Variants in TNNI3K observed in about 807,000 individuals in gnomAD.
TNNI3K encodes TNNI3 interacting kinase, also known as serine/threonine-protein kinase TNNI3K.
TNNI3K carries 140 observed loss-of-function variants against 114.5 expected under a neutral mutation model. The observed-to-expected ratio is 1.22, with a 90% confidence interval of 1.07 to 1.41. The LOEUF (loss-of-function observed/expected upper bound fraction) is 1.41, where lower values mean the gene tolerates loss of function less well. Among genes scored for constraint, TNNI3K ranks in the 40% most tolerant of loss-of-function variants. The pLI, the probability that TNNI3K is intolerant of heterozygous loss-of-function variation, is 0.00. For missense variants in TNNI3K, 1,125 were observed against 1,007.6 expected (o/e 1.12, Z -1.58); for synonymous variants, 347 against 347.5 (o/e 1.00, Z 0.02).
At chr1:74,527,645 C>G (rs2100430405) in intron 23 of TNNI3K, among the ~76,000 whole-genome samples, 1 of 152,280 alleles carries the variant, frequency 6.6e-6, no homozygotes, top group Middle Eastern at 3.4e-3. Flanking sequence ...TCAGCCAGGA[C>G]AGGGTGTTAG....
chr1:74,424,564 T>C (rs1484554943), intron 17 of TNNI3K, among the ~76,000 whole-genome samples: 2 of 151,114 alleles, frequency 1.3e-5, no homozygotes, highest in Admixed American at 6.6e-5. Context: ...AATAAAAATA[T>C]AAAAATTAAC....
intron 2 of TNNI3K, 75 bp downstream of exon 2, chr1:74,236,285 ATT>A: frequency 1.5e-6 from 2 of 1,347,292 alleles, no homozygotes; most frequent in Non-Finnish European, 2.0e-6. Context: ...GTATCTGTAT[ATT>A]TTTTAAACCC....
chr1:74,265,660 T>C (rs761559441), intron 4 of TNNI3K, among the ~76,000 whole-genome samples: 2 of 152,018 alleles, frequency 1.3e-5, no homozygotes, highest in Non-Finnish European at 2.9e-5. Flanking sequence ...ATAACAATTA[T>C]TATGTGTCAA....
At chr1:74,323,857 G>T (rs925937082) in intron 5 of TNNI3K, among the ~76,000 whole-genome samples, 7 of 152,150 alleles carry the variant, frequency 4.6e-5, no homozygotes, top group African/African-American at 1.4e-4. Context: ...AAACACAAAT[G>T]TCAGTGAGGA....
intron 23 of TNNI3K, among the ~76,000 whole-genome samples, chr1:74,503,830 G>A (rs187250339): frequency 9.9e-4 from 151 of 152,304 alleles, no homozygotes; most frequent in African/African-American, 3.4e-3. Flanking sequence ...ATCTCCTAAT[G>A]TTGTGGTGGT....
At chr1:74,539,360 G>T (rs148936038) in intron 23 of TNNI3K, among the ~76,000 whole-genome samples, 30 of 152,250 alleles carry the variant, frequency 2.0e-4, no homozygotes, top group African/African-American at 5.8e-4. Context: ...TGAAGTTCTG[G>T]GGGGAACTAG....
At chr1:74,367,422 T>G in intron 12 of TNNI3K, 80 bp downstream of exon 12, 1 of 1,494,262 alleles carries the variant, frequency 6.7e-7, no homozygotes, top group Non-Finnish European at 9.2e-7. Flanking sequence ...GTTACTATCA[T>G]TCTTTCAGGG....
chr1:74,468,160 A>G (rs904265035), intron 21 of TNNI3K: 2 of 152,200 alleles, frequency 1.3e-5, no homozygotes, highest in Non-Finnish European at 2.9e-5. Context: ...TTAGTGACCA[A>G]GAGTACTCAT....
intron 17 of TNNI3K, among the ~76,000 whole-genome samples, chr1:74,424,817 C>A (rs17095283): frequency 0.023 from 3,431 of 151,664 alleles, 123 homozygotes; most frequent in African/African-American, 0.08. Flanking sequence ...TTATTCACAA[C>A]CATAATGTTT....
At chr1:74,413,054 T>C (rs1664961850) in intron 17 of TNNI3K, among the ~76,000 whole-genome samples, 1 of 152,204 alleles carries the variant, frequency 6.6e-6, no homozygotes, top group Admixed American at 6.5e-5. Flanking sequence ...ATTAGTGATG[T>C]CAGGTTAACA....
At chr1:74,337,194 G>A (rs527606148) in intron 7 of TNNI3K, among the ~76,000 whole-genome samples, 7 of 152,264 alleles carry the variant, frequency 4.6e-5, no homozygotes, top group South Asian at 2.1e-4. Context: ...TTGTGATGGG[G>A]TTGTTTATTT....
intron 23 of TNNI3K, among the ~76,000 whole-genome samples, chr1:74,507,793 A>G (rs567851508): frequency 6.6e-6 from 1 of 152,224 alleles, no homozygotes; most frequent in East Asian, 1.9e-4. Flanking sequence ...ATCCAGGAAC[A>G]TGGGCTCTGA....
At chr1:74,406,030 T>C (rs1459312870) in intron 17 of TNNI3K, among the ~76,000 whole-genome samples, 1 of 152,230 alleles carries the variant, frequency 6.6e-6, no homozygotes, top group Admixed American at 6.5e-5. Flanking sequence ...TTATTTGCTC[T>C]GGGTTTTACA....
intron 17 of TNNI3K, chr1:74,378,595 TA>T (rs1433992736): frequency 4.9e-4 from 4 of 8,202 alleles, no homozygotes; most frequent in African/African-American, 2.4e-3. Context: ...AGTTTAATTT[TA>T]TATATATATA....
rs565274798 is a variant in TNNI3K at position 74,465,184 on chromosome 1, T to A, written c.2121+1634T>A. ...CCTCGTAGTCCACTCTGGCCACACA[T>A]GAGGAACTCTTCAGCCCCCAGCTGC... On this transcript the variant is annotated intron_variant, in intron 21 of 24. Coordinates refer to ENST00000326637, the MANE Select transcript of TNNI3K (RefSeq NM_015978.3). 2.6e-5 allele frequency among the ~76,000 whole-genome samples: 4 copies of A among 152,322 alleles called. No homozygotes were observed. The South Asian group carries it at 8.3e-4, about 32-fold the overall frequency.
chr1:74,450,847 C>G (rs1434972880), intron 20 of TNNI3K, among the ~76,000 whole-genome samples: 1 of 152,110 alleles, frequency 6.6e-6, no homozygotes. Context: ...GGTGATTCCT[C>G]AAAGGCCTAG....
At chr1:74,404,609 T>C (rs699841) in intron 17 of TNNI3K, among the ~76,000 whole-genome samples, 24,683 of 152,106 alleles carry the variant, frequency 0.16, 2,704 homozygotes, top group African/African-American at 0.31. Context: ...GGCCAAAATA[T>C]TGTATTGCTA....
intron 5 of TNNI3K, among the ~76,000 whole-genome samples, chr1:74,279,228 CCAGACGATTAA>C (rs1385722510): frequency 1.3e-5 from 2 of 152,178 alleles, no homozygotes; most frequent in African/African-American, 4.8e-5. Flanking sequence ...GGCCCCTACT[CCAGACGATTAA>C]TCCTCCTTCC....
chr1:74,528,195 C>G (rs916799635), intron 23 of TNNI3K, among the ~76,000 whole-genome samples: 2 of 152,056 alleles, frequency 1.3e-5, no homozygotes, highest in African/African-American at 4.8e-5. Flanking sequence ...GACATGGGCA[C>G]AGGAAAGTGC....
Sources: allele counts gnomAD v4.1 joint callset (sites outside exome capture counted in the v4.1 genomes callset), GRCh38; gene constraint gnomAD v4.1.1; transcripts MANE v1.5; gene names NCBI Gene and HGNC (gene_info 2026-07-23, HGNC 2026-07-21).